The following PHF2 variants were observed in gnomAD, a reference collection of about 807,000 sequenced individuals.
PHF2 encodes the protein lysine-specific demethylase PHF2.
Under a neutral mutation model 120.5 loss-of-function variants are expected in PHF2, and 27 were observed. That is an observed-to-expected ratio of 0.22 (90% CI 0.17 to 0.31). The LOEUF is 0.31. Ranked by LOEUF, PHF2 falls within the 10% of genes least tolerant of loss-of-function variation. PHF2 has a pLI of 1.00. For missense variants in PHF2, 1,024 were observed against 1,434.8 expected, an observed-to-expected ratio of 0.71 and a Z score of 4.63; for synonymous variants, 568 against 592.5, an observed-to-expected ratio of 0.96 and a Z score of 0.60.
At chr9:93,577,385 G>A (rs1034892329) in intron 1 of PHF2, among the ~76,000 whole-genome samples, 8 of 151,862 alleles carry the variant, frequency 5.3e-5, no homozygotes, top group African/African-American at 1.7e-4. Flanking sequence ...CTCCGACTCC[G>A]GCAGGGCTGG....
intron 1 of PHF2, among the ~76,000 whole-genome samples, chr9:93,590,855 T>C (rs1031520224): frequency 6.6e-6 from 1 of 152,228 alleles, no homozygotes; most frequent in African/African-American, 2.4e-5. Context: ...CTCCCCTTTG[T>C]CCTATGGCCC....
chr9:93,674,791 A>G, intron 18 of PHF2, 136 bp from the exon 19 acceptor site: 3 of 633,634 alleles, frequency 4.7e-6, no homozygotes, highest in Non-Finnish European at 8.5e-6. Flanking sequence ...GCTGACAGTG[A>G]CACAGCGTGG....
rs1385869973 is a variant in PHF2 at position 93,656,260 on chromosome 9, G to C, written c.1041-229G>C. ...CTGCTGGATGGTTGTAGTTGCCCTT[G>C]GTGGGGTTGGGGTTGCTTAAAAGGC... On this transcript the variant is annotated intron_variant, in intron 8 of 21. Coordinates refer to ENST00000359246, the MANE Select transcript of PHF2 (RefSeq NM_005392.4). This position sits in a 1 kb window ranked among gnomAD's most constrained non-coding sequence, Gnocchi z 4.1. Among the ~76,000 whole-genome samples, 1 of 152,142 alleles carries C rather than the reference G, an allele frequency of 6.6e-6. No homozygotes were observed. Among genetic ancestry groups the C allele is most frequent in the East Asian group, 1.9e-4 (1 of 5,168 alleles).
At chr9:93,657,652 C>T (rs950731177) in intron 9 of PHF2, among the ~76,000 whole-genome samples, 3 of 152,186 alleles carry the variant, frequency 2.0e-5, no homozygotes, top group African/African-American at 7.2e-5. Context: ...GCCCTGGAGC[C>T]CTGGAGCCCT....
chr9:93,586,687 C>T (rs935788679), intron 1 of PHF2, among the ~76,000 whole-genome samples: 1 of 152,272 alleles, frequency 6.6e-6, no homozygotes, highest in Non-Finnish European at 1.5e-5. Flanking sequence ...AAGAGGTTTG[C>T]CACGACTGGG....
chr9:93,649,870 A>G (rs1192810692), intron 5 of PHF2, among the ~76,000 whole-genome samples: 1 of 152,006 alleles, frequency 6.6e-6, no homozygotes, highest in African/African-American at 2.4e-5. Flanking sequence ...ACTCATGGAC[A>G]CACTTGTCAA....
rs775328716 is a variant in PHF2 at position 93,673,767 on chromosome 9, G to A, written c.2531G>A (p.Arg844Gln). The change falls in exon 18 of 22, where the codon CGA (arginine) becomes CAA (glutamine). Residue 844 changes from arginine to glutamine, a missense_variant. Around this residue, in one of 2 missense-constraint regions of PHF2, gnomAD observed 677 missense variants for 857.4 expected, o/e 0.79. Transcript: ENST00000359246. ...GGGSGKSAGKRLLKRAAKNSV... is the reference protein window; with the variant it reads ...GGGSGKSAGKQLLKRAAKNSV... ...GGCAGTGGCAAGAGTGCAGGCAAAC[G>A]ACTGCTGAAGAGGGCTGCCAAGAAC... The A allele has an allele frequency of 8.1e-6, 13 of 1,613,362 alleles. No individual in the cohort carries two copies. Among genetic ancestry groups the A allele is most frequent in the Middle Eastern group, 1.6e-4 (1 of 6,080 alleles).
rs146800077 is a variant in PHF2 at position 93,585,945 on chromosome 9, C to T, written c.98+9074C>T. Among the ~76,000 whole-genome samples, 394 of 152,332 alleles carry T rather than the reference C, an allele frequency of 2.6e-3. 1 individual carries two copies. The highest frequency in any genetic ancestry group is 8.9e-3 in the African/African-American group (370 of 41,582). On this transcript the variant is annotated intron_variant, in intron 1 of 21. Coordinates refer to ENST00000359246, the MANE Select transcript of PHF2 (RefSeq NM_005392.4). Reference sequence around the variant, plus strand: ...GGCCCTTCCCTGCCAGGTTCCACCTCACCAGCAGGTCTGGGCTGACCTGCT... The same window carrying T: ...GGCCCTTCCCTGCCAGGTTCCACCTTACCAGCAGGTCTGGGCTGACCTGCT...
At chr9:93,589,153 A>G (rs1365493334) in intron 1 of PHF2, among the ~76,000 whole-genome samples, 3 of 152,192 alleles carry the variant, frequency 2.0e-5, no homozygotes, top group Non-Finnish European at 4.4e-5. Flanking sequence ...TTCCTTCTAC[A>G]AAGCAGCTGT....
intron 1 of PHF2, among the ~76,000 whole-genome samples, chr9:93,604,978 A>G (rs534394942): frequency 6.6e-6 from 1 of 152,182 alleles, no homozygotes; most frequent in Non-Finnish European, 1.5e-5. Flanking sequence ...ACATGCACAC[A>G]GAACTTCTTC....
intron 1 of PHF2, among the ~76,000 whole-genome samples, chr9:93,590,257 G>A (rs968254708): frequency 6.6e-6 from 1 of 152,194 alleles, no homozygotes; most frequent in Non-Finnish European, 1.5e-5. Context: ...TAATTATTGA[G>A]TTCACTCACT....
chr9:93,633,172 C>T (rs1472010602), intron 2 of PHF2, among the ~76,000 whole-genome samples: 1 of 152,190 alleles, frequency 6.6e-6, no homozygotes, highest in Non-Finnish European at 1.5e-5. Flanking sequence ...GTCTGGTCCT[C>T]ACAGTTTGTC....
intron 1 of PHF2, among the ~76,000 whole-genome samples, chr9:93,602,247 CTTTTTTTT>C (rs67001312): frequency 8.8e-5 from 7 of 79,670 alleles, no homozygotes; most frequent in East Asian, 4.0e-4. Flanking sequence ...CCTAGAGATT[CTTTTTTTT>C]TTTTTTTTTT....
At chr9:93,645,929 C>A in intron 4 of PHF2, 140 bp downstream of exon 4, 1 of 961,594 alleles carries the variant, frequency 1.0e-6, no homozygotes, top group Non-Finnish European at 1.5e-6. Flanking sequence ...TCACCGTACT[C>A]TGTTCCCGGT....
At chr9:93,617,504 A>T (rs1825747954) in intron 1 of PHF2, among the ~76,000 whole-genome samples, 1 of 152,056 alleles carries the variant, frequency 6.6e-6, no homozygotes. Flanking sequence ...TTCTTTAGAG[A>T]TCCCAAGAGG....
chr9:93,637,422 C>G (rs1190552378), intron 3 of PHF2, among the ~76,000 whole-genome samples: 1 of 152,132 alleles, frequency 6.6e-6, no homozygotes, highest in African/African-American at 2.4e-5. Context: ...TTTCATCACC[C>G]CCAAAATAAA....
chr9:93,620,356 G>A (rs1314303735), intron 1 of PHF2, among the ~76,000 whole-genome samples: 1 of 152,244 alleles, frequency 6.6e-6, no homozygotes, highest in Non-Finnish European at 1.5e-5. Context: ...TGGGGCAGGG[G>A]CAGCAGGTGA....
chr9:93,627,684 A>C (rs1825937247), intron 1 of PHF2, among the ~76,000 whole-genome samples: 1 of 152,004 alleles, frequency 6.6e-6, no homozygotes, highest in Non-Finnish European at 1.5e-5. Flanking sequence ...GTTCCCCTCT[A>C]TTCCTAGTTT....
At chr9:93,641,223 C>T (rs544704812) in intron 3 of PHF2, among the ~76,000 whole-genome samples, 1 of 152,272 alleles carries the variant, frequency 6.6e-6, no homozygotes, top group African/African-American at 2.4e-5. Flanking sequence ...GAGTCTGATA[C>T]AGGGGAGCAG....
Sources: allele counts gnomAD v4.1 joint callset (sites outside exome capture counted in the v4.1 genomes callset), GRCh38; gene constraint gnomAD v4.1.1; regional missense constraint gnomAD v4.1.1; non-coding constraint Gnocchi (gnomAD v3.1); transcripts MANE v1.5; gene names NCBI Gene and HGNC (gene_info 2026-07-23, HGNC 2026-07-21).